Variants in CMBL observed in about 807,000 individuals in gnomAD.
The protein encoded by CMBL is carboxymethylenebutenolidase homolog, also known as carboxymethylenebutenolidase homolog (Pseudomonas).
In CMBL, 17 loss-of-function variants were observed where a neutral mutation model predicts 28.7. That is an observed-to-expected ratio of 0.59 (90% CI 0.41 to 0.89). The LOEUF is 0.89. Among genes scored for constraint, CMBL ranks in the 40% least tolerant of loss-of-function variants. The pLI is 0.00. For synonymous variants in CMBL, 106 were observed against 101.6 expected (o/e 1.04, Z -0.26); for missense variants, 310 against 298.5 (o/e 1.04, Z -0.28).
At chr5:10,301,890 AG>A (rs1326063207) in intron 1 of CMBL, among the ~76,000 whole-genome samples, 1 of 152,236 alleles carries the variant, frequency 6.6e-6, no homozygotes. Flanking sequence ...TAGGGATCAC[AG>A]AAAATCCTGG....
rs1019095974 is a variant in CMBL at position 10,279,492 on chromosome 5, A to G, written c.*961T>C. 4 of 151,898 alleles carry G rather than the reference A, an allele frequency of 2.6e-5. No homozygotes were observed. The highest frequency in any genetic ancestry group is 5.9e-5 in the Non-Finnish European group (4 of 68,008). The allele number at this position is 151,898 out of a possible 1,614,324, so 9.4% of individuals were successfully genotyped here. On this transcript the variant is annotated 3_prime_UTR_variant, in exon 6 of 6. Coordinates refer to ENST00000296658, the MANE Select transcript of CMBL (RefSeq NM_138809.4). ...TTGTCACTTTCTATGATGTGTTCAAAGACCAGAAAAGGCCACACTTGACCT... is the reference window on the plus strand; with the variant it reads ...TTGTCACTTTCTATGATGTGTTCAAGGACCAGAAAAGGCCACACTTGACCT...
At chr5:10,287,855 C>T (rs1022022024) in intron 3 of CMBL, among the ~76,000 whole-genome samples, 6 of 151,554 alleles carry the variant, frequency 4.0e-5, no homozygotes, top group Non-Finnish European at 8.8e-5. Flanking sequence ...GGACTACAGG[C>T]GTGCGTCATG....
rs1054348262 is a variant in CMBL, at chr5:10,303,583, T to C, written c.-20+4042A>G. On this transcript the variant is annotated intron_variant, in intron 1 of 5. Transcript: ENST00000296658. ...TGAAGGAAAATCAAAAGAGCACAAATGCAGCACTGGAAAGTGTAAACTAAA... is the reference window on the plus strand; with the variant it reads ...TGAAGGAAAATCAAAAGAGCACAAACGCAGCACTGGAAAGTGTAAACTAAA... 8.5e-5 allele frequency among the ~76,000 whole-genome samples: 13 copies of C among 152,182 alleles called. No homozygotes were observed. The South Asian group carries it at 2.3e-3, about 27-fold the overall frequency.
chr5:10,290,557 T>C lies in CMBL; in HGVS notation c.206A>G (p.Asn69Ser), dbSNP rs773507036. 6 of 1,612,544 alleles carry C rather than the reference T, an allele frequency of 3.7e-6. No individual in the cohort carries two copies. The highest frequency in any genetic ancestry group is 4.2e-6 in the Non-Finnish European group (5 of 1,178,594). Reference protein sequence around the residue: ...TRYIADMISGNGYTTIVPDFF... With the variant: ...TRYIADMISGSGYTTIVPDFF... Reference sequence around the variant, plus strand: ...ACAACTTTATACATACGTGTATCCATTTCCTGAGATCATGTCAGCTATATA... The same window carrying C: ...ACAACTTTATACATACGTGTATCCACTTCCTGAGATCATGTCAGCTATATA... Residue 69 changes from asparagine to serine, a missense_variant, in exon 2 of 6, where the codon AAT becomes AGT. Coordinates refer to ENST00000296658, the MANE Select transcript of CMBL (RefSeq NM_138809.4).
In CMBL at chr5:10,280,417, G is replaced by A. The variant is rs774382743; in HGVS notation, c.*36C>T. Reference sequence around the variant, plus strand: ...ACTATTTCCAAGCAAATTTTGGGATGAAAGCTATTCTAGGAAGGCTTGCCC... The same window carrying A: ...ACTATTTCCAAGCAAATTTTGGGATAAAAGCTATTCTAGGAAGGCTTGCCC... On this transcript the variant is annotated 3_prime_UTR_variant, in exon 6 of 6. Transcript: ENST00000296658. 1 of 1,489,798 alleles carries A rather than the reference G, an allele frequency of 6.7e-7. No homozygotes were observed. The highest frequency in any genetic ancestry group is 1.4e-5 in the South Asian group (1 of 72,940). The allele number at this position is 1,489,798 out of a possible 1,614,324, so 92.3% of individuals were successfully genotyped here.
Position 10,279,656 on chromosome 5 carries a change from C to T in CMBL, c.*797G>A, listed in dbSNP as rs1180312221. The T allele has an allele frequency of 6.6e-6, 1 of 152,092 alleles. No individual in the cohort carries two copies. Among genetic ancestry groups the T allele is most frequent in the African/African-American group, 2.4e-5 (1 of 41,388 alleles). 9.4% of individuals were successfully genotyped at this position (152,092 alleles called of 1,614,324 possible). ...TCCAGGTTCAAGTGATTCTCCTCCT[C>T]AGACTCCTGAGTAGCTGGGATTACA... On this transcript the variant is annotated 3_prime_UTR_variant, in exon 6 of 6. Coordinates refer to ENST00000296658, the MANE Select transcript of CMBL (RefSeq NM_138809.4).
intron 1 of CMBL, among the ~76,000 whole-genome samples, chr5:10,298,483 G>GATC (rs1746844467): frequency 1.3e-5 from 2 of 152,338 alleles, no homozygotes; most frequent in South Asian, 4.1e-4. Flanking sequence ...TTTTGGCAGG[G>GATC]GAAGATGATG....
chr5:10,291,979 A>G (rs1746727732), intron 1 of CMBL: 1 of 152,238 alleles, frequency 6.6e-6, no homozygotes, highest in African/African-American at 2.4e-5. Flanking sequence ...ATTCACCTAG[A>G]AACACTTGGT....
chr5:10,290,277 C>T, intron 2 of CMBL: 1 of 451,196 alleles, frequency 2.2e-6, no homozygotes, highest in African/African-American at 2.0e-5. Context: ...TGAGGCCCCA[C>T]ACGGGAAAAG....
At chr5:10,281,882 A>C (rs1746501578) in intron 5 of CMBL, among the ~76,000 whole-genome samples, 1 of 139,980 alleles carries the variant, frequency 7.1e-6, no homozygotes, top group Non-Finnish European at 1.5e-5. Flanking sequence ...AAATGAGGCC[A>C]GGCGTGGTGG....
chr5:10,300,721 A>T (rs1746884162), intron 1 of CMBL, among the ~76,000 whole-genome samples: 1 of 151,850 alleles, frequency 6.6e-6, no homozygotes, highest in Non-Finnish European at 1.5e-5. Context: ...GATCACTTGA[A>T]CCCAAGAATT....
chr5:10,283,514 A>G (rs894142426), intron 4 of CMBL, among the ~76,000 whole-genome samples: 2 of 152,222 alleles, frequency 1.3e-5, no homozygotes, highest in Non-Finnish European at 2.9e-5. Context: ...GAGGTGGCTC[A>G]CACCTGTAAT....
intron 1 of CMBL, among the ~76,000 whole-genome samples, chr5:10,300,139 T>C (rs1746873541): frequency 6.6e-6 from 1 of 152,106 alleles, no homozygotes; most frequent in African/African-American, 2.4e-5. Context: ...AGACCATAAA[T>C]CCAATGACTG....
Position 10,288,427 on chromosome 5 carries a change from G to C in CMBL, c.318C>G (p.Ile106Met), listed in dbSNP as rs1181472176. ...CACGTCTGCGGATAACTCACCTATC[G>C]ATCTTCTGGGCATTTCTTGTTTTCA... ...EWLKTRNAQK[I>M]DREISAILKY... Residue 106 changes from isoleucine to methionine, a missense_variant, in exon 3 of 6, where the codon ATC becomes ATG. Ile to Met is a conservative substitution (Grantham distance 10). Transcript: ENST00000296658. The C allele has an allele frequency of 1.2e-6, 2 of 1,612,334 alleles. No homozygotes were observed. Among genetic ancestry groups the C allele is most frequent in the African/African-American group, 2.7e-5 (2 of 74,844 alleles).
intron 1 of CMBL, among the ~76,000 whole-genome samples, chr5:10,295,320 G>A (rs1746790895): frequency 6.6e-6 from 1 of 152,150 alleles, no homozygotes; most frequent in Non-Finnish European, 1.5e-5. Context: ...CTGACCTCGG[G>A]TGATCCCGCC....
chr5:10,287,822 T>C (rs1469445017), intron 3 of CMBL, among the ~76,000 whole-genome samples: 2 of 151,910 alleles, frequency 1.3e-5, no homozygotes, highest in Non-Finnish European at 2.9e-5. Context: ...GCAATTCTCA[T>C]GCCTCAGCCT....
chr5:10,286,219 A>C, intron 4 of CMBL, 135 bp downstream of exon 4: 1 of 878,010 alleles, frequency 1.1e-6, no homozygotes, highest in Non-Finnish European at 1.7e-6. Flanking sequence ...TCAGATTCTT[A>C]AAACCCATTT....
intron 1 of CMBL, among the ~76,000 whole-genome samples, chr5:10,291,605 G>A (rs1047293479): frequency 1.1e-4 from 16 of 151,490 alleles, no homozygotes; most frequent in South Asian, 4.2e-4. Context: ...AGCTTGCAGT[G>A]AGCCGAGATC....
At position 10,283,440 on chromosome 5, in the gene CMBL, T is replaced by A. The variant is rs932035937; in HGVS notation, c.467-1152A>T. The stretch of plus-strand genomic sequence containing the variant: ...TCGCACCAGACCACGAGTGTGGAAG[T>A]GTGGAAGTGTGAAACTGCCTGGGCC... On this transcript the variant is annotated intron_variant, in intron 4 of 5. Transcript: ENST00000296658. Among the ~76,000 whole-genome samples, 144 of 152,154 alleles carry A rather than the reference T, an allele frequency of 9.5e-4. 1 individual carries two copies. Among genetic ancestry groups the A allele is most frequent in the African/African-American group, 3.3e-3 (135 of 41,484 alleles).
Sources: gnomAD v4.1 joint callset for allele counts (sites outside exome capture counted in the v4.1 genomes callset) on GRCh38, gnomAD v4.1.1 for gene constraint, MANE v1.5 for transcripts, NCBI Gene and HGNC (gene_info 2026-07-23, HGNC 2026-07-21) for gene names.